The following PDK3 variants were observed in gnomAD, a reference collection of about 807,000 sequenced individuals.
PDK3 encodes pyruvate dehydrogenase kinase 3, also known as pyruvate dehydrogenase kinase, isozyme 3.
In PDK3, 12 loss-of-function variants were observed where a neutral mutation model predicts 32.0. The observed-to-expected ratio is 0.37, with a 90% CI of 0.24 to 0.61. The LOEUF is 0.61. PDK3 is among the 20% of genes least tolerant of loss of function. The probability of loss-of-function intolerance (pLI) is 0.65; values close to 1 mark genes in which losing one functional copy is unlikely to be tolerated. For missense variants in PDK3, 188 were observed against 316.9 expected (o/e 0.59, Z 3.09); for synonymous variants, 122 against 116.3 (o/e 1.05, Z -0.31).
At chrX:24,546,270 T>TA (rs909329470) in exon 12 of PDK3, 4 of 112,051 alleles carry the variant, frequency 3.6e-5, no homozygotes, top group African/African-American at 1.3e-4. Context: ...TGTTTCCTTG[T>TA]AACAAAACCC....
At chrX:24,476,115 C>T (rs773306251) in intron 1 of PDK3, among the ~76,000 whole-genome samples, 2 of 110,730 alleles carry the variant, frequency 1.8e-5, no homozygotes, top group East Asian at 5.6e-4. Flanking sequence ...TGGGCAAATC[C>T]TTTTATTTTA....
intron 5 of PDK3, among the ~76,000 whole-genome samples, chrX:24,508,007 TC>T (rs768262358): frequency 9.0e-6 from 1 of 111,572 alleles, no homozygotes; most frequent in East Asian, 2.8e-4. Context: ...TTGGAATTCT[TC>T]ACGGTAAATG....
exon 12 of PDK3, among the ~76,000 whole-genome samples, chrX:24,542,803 T>G (rs755869381): frequency 1.8e-5 from 2 of 112,774 alleles, no homozygotes; most frequent in Non-Finnish European, 3.7e-5. Context: ...ATTTGAGAGC[T>G]GATGTTTTTA....
intron 1 of PDK3, among the ~76,000 whole-genome samples, chrX:24,488,250 T>C (rs1921455460): frequency 9.0e-6 from 1 of 111,466 alleles, no homozygotes; most frequent in African/African-American, 3.3e-5. Context: ...CTGCATTACA[T>C]TGAAAGTCAT....
At chrX:24,494,701 T>A in intron 1 of PDK3, 41 bp from the exon 2 acceptor site, 1 of 1,076,295 alleles carries the variant, frequency 9.3e-7, no homozygotes, top group Non-Finnish European at 1.3e-6. Flanking sequence ...TCTCCATCTG[T>A]TAGACTATAA....
At chrX:24,540,163 A>G (rs1273939764) in exon 12 of PDK3, among the ~76,000 whole-genome samples, 2 of 112,131 alleles carry the variant, frequency 1.8e-5, no homozygotes, top group African/African-American at 3.2e-5. Flanking sequence ...GATTTTCACA[A>G]TCCTTTTTGC....
intron 2 of PDK3, 51 bp from the exon 3 acceptor site, chrX:24,498,778 C>T: frequency 2.6e-6 from 2 of 758,497 alleles, no homozygotes; most frequent in Non-Finnish European, 3.8e-6. Context: ...GGATGCTGGG[C>T]AGGCAACTAA....
At chrX:24,548,773 T>A (rs1225540727) in exon 12 of PDK3, 1 of 112,316 alleles carries the variant, frequency 8.9e-6, no homozygotes, top group African/African-American at 3.2e-5. Context: ...TGTTTTGGCT[T>A]TTCACATATG....
intron 7 of PDK3, 152 bp downstream of exon 7, chrX:24,526,426 G>A (rs1922525125): frequency 9.6e-6 from 4 of 416,883 alleles, no homozygotes; most frequent in Non-Finnish European, 1.7e-5. Context: ...TTTATAATTT[G>A]TACACTGTGA....
chrX:24,488,901 A>C (rs1272775514), intron 1 of PDK3, among the ~76,000 whole-genome samples: 1 of 112,116 alleles, frequency 8.9e-6, no homozygotes, highest in Non-Finnish European at 1.9e-5. Flanking sequence ...AATTTGAATA[A>C]GATGAAGTAT....
chrX:24,475,023 A>G (rs1302790290), intron 1 of PDK3, among the ~76,000 whole-genome samples: 1 of 111,810 alleles, frequency 8.9e-6, no homozygotes, highest in African/African-American at 3.3e-5. Flanking sequence ...TTTTTAAGTC[A>G]TTTTGCTCCT....
chrX:24,476,750 C>T (rs1294566531), intron 1 of PDK3, among the ~76,000 whole-genome samples: 1 of 112,192 alleles, frequency 8.9e-6, no homozygotes, highest in Non-Finnish European at 1.9e-5. Context: ...CGGGTTTTGA[C>T]AACTCCTGTT....
At chrX:24,531,171 T>G (rs1922641718) in intron 9 of PDK3, among the ~76,000 whole-genome samples, 1 of 109,990 alleles carries the variant, frequency 9.1e-6, no homozygotes, top group African/African-American at 3.3e-5. Flanking sequence ...GTTCAGGCGA[T>G]TCTCCTGCCT....
intron 6 of PDK3, among the ~76,000 whole-genome samples, chrX:24,519,444 A>G (rs1332523248): frequency 1.0e-5 from 1 of 98,155 alleles, no homozygotes; most frequent in African/African-American, 3.9e-5. Flanking sequence ...ATCCCAGCTC[A>G]CTGCAGCCTC....
At position 24,517,881 on chromosome X, in the gene PDK3, A is replaced by G. The variant is rs753865479; in HGVS notation, c.596-1052A>G. 1.2e-4 allele frequency among the ~76,000 whole-genome samples: 13 copies of G among 112,377 alleles called. No individual in the cohort carries two copies. In the South Asian group the frequency reaches 4.0e-3, roughly 35 times the overall value. On this transcript the variant is annotated intron_variant, in intron 5 of 10. Transcript: ENST00000379162. ...CTTTTAAAGTGATAGTGGCATCTCC[A>G]GTAACTTAAATTGTGTGGCTCATGG...
intron 1 of PDK3, among the ~76,000 whole-genome samples, chrX:24,482,456 C>T (rs890278514): frequency 8.9e-6 from 1 of 111,781 alleles, no homozygotes; most frequent in African/African-American, 3.3e-5. Context: ...GTAATCTGCC[C>T]GCCTTGGCCT....
chrX:24,493,678 G>A (rs368188239), intron 1 of PDK3, among the ~76,000 whole-genome samples: 34 of 111,968 alleles, frequency 3.0e-4, no homozygotes, highest in Admixed American at 2.5e-3. Flanking sequence ...CACTTGCTCC[G>A]TGTCAGCCTC....
At chrX:24,508,752 G>A (rs892899219) in intron 5 of PDK3, among the ~76,000 whole-genome samples, 10 of 110,570 alleles carry the variant, frequency 9.0e-5, no homozygotes, top group African/African-American at 2.3e-4. Flanking sequence ...TCGCTCTGTC[G>A]TCCAGGCTGG....
chrX:24,488,004 CAAAAAAAAA>C (rs34710130), intron 1 of PDK3, among the ~76,000 whole-genome samples: 1 of 27,476 alleles, frequency 3.6e-5, no homozygotes, highest in Non-Finnish European at 6.5e-5. Context: ...AACTCCATCT[CAAAAAAAAA>C]AAAAAAAAAA....
Sources: gnomAD v4.1 joint callset for allele counts (sites outside exome capture counted in the v4.1 genomes callset) on GRCh38, gnomAD v4.1.1 for gene constraint, MANE v1.5 for transcripts, NCBI Gene and HGNC (gene_info 2026-07-23, HGNC 2026-07-21) for gene names.